Variants in NSMCE2 observed in about 807,000 individuals in gnomAD.
NSMCE2 encodes E3 SUMO-protein ligase NSE2.
NSMCE2 carries 24 observed loss-of-function variants against 23.8 expected under a neutral mutation model. That is an observed-to-expected ratio of 1.01 (90% CI 0.73 to 1.42). NSMCE2 has a LOEUF of 1.42. Among genes scored for constraint, NSMCE2 ranks in the 40% most tolerant of loss-of-function variants. NSMCE2 has a pLI of 0.00. For synonymous variants in NSMCE2, 92 were observed against 94.1 expected (o/e 0.98, Z 0.13); for missense variants, 284 against 296.5 (o/e 0.96, Z 0.31).
intron 5 of NSMCE2, among the ~76,000 whole-genome samples, chr8:125,324,138 C>T (rs1829553524): frequency 6.6e-6 from 1 of 152,102 alleles, no homozygotes; most frequent in South Asian, 2.1e-4. Context: ...CCACTACACA[C>T]CTATTAGGAT....
chr8:125,094,318 T>A (rs1447817006), intron 1 of NSMCE2: 4 of 152,206 alleles, frequency 2.6e-5, no homozygotes. Context: ...GAAGGTGCTG[T>A]TAGAGTCAGA....
intron 3 of NSMCE2, among the ~76,000 whole-genome samples, chr8:125,145,554 A>C (rs1442919060): frequency 1.3e-5 from 2 of 152,178 alleles, no homozygotes; most frequent in Non-Finnish European, 2.9e-5. Flanking sequence ...GGTTCATTTG[A>C]TTAACGAAAG....
intron 5 of NSMCE2, among the ~76,000 whole-genome samples, chr8:125,271,128 G>A (rs762309785): frequency 6.6e-5 from 10 of 152,016 alleles, no homozygotes; most frequent in Non-Finnish European, 1.3e-4. Flanking sequence ...AGGCATGGTG[G>A]TGCGCACCTA....
chr8:125,214,784 A>G (rs981089342), intron 5 of NSMCE2, among the ~76,000 whole-genome samples: 3 of 152,118 alleles, frequency 2.0e-5, no homozygotes, highest in Non-Finnish European at 2.9e-5. Context: ...CATTAGGTTT[A>G]TGCTGTGTAT....
chr8:125,343,997 C>G (rs1429165890), intron 5 of NSMCE2, among the ~76,000 whole-genome samples: 1 of 152,112 alleles, frequency 6.6e-6, no homozygotes, highest in Non-Finnish European at 1.5e-5. Flanking sequence ...CAGAGGGAGA[C>G]TCCATCTCAA....
chr8:125,146,542 T>TACACCATGGAATACTATGCAGCC (rs1192341143), intron 3 of NSMCE2, among the ~76,000 whole-genome samples: 1 of 152,236 alleles, frequency 6.6e-6, no homozygotes, highest in East Asian at 1.9e-4. Context: ...GTGGCACATA[T>TACACCATGGAATACTATGCAGCC]ACACCATGGA....
At chr8:125,286,630 G>A (rs1015581521) in intron 5 of NSMCE2, among the ~76,000 whole-genome samples, 59 of 152,128 alleles carry the variant, frequency 3.9e-4, no homozygotes, top group African/African-American at 1.3e-3. Flanking sequence ...CATCTTTTAT[G>A]TGCCATCATA....
chr8:125,124,773 C>G (rs1487697666), intron 3 of NSMCE2, among the ~76,000 whole-genome samples: 1 of 152,014 alleles, frequency 6.6e-6, no homozygotes, highest in Non-Finnish European at 1.5e-5. Context: ...CCACTGCACC[C>G]AGCCTCCTCA....
chr8:125,231,866 A>G (rs922450169), intron 5 of NSMCE2, among the ~76,000 whole-genome samples: 9 of 152,172 alleles, frequency 5.9e-5, no homozygotes, highest in Non-Finnish European at 2.9e-5. Flanking sequence ...CATTTTCTTT[A>G]TCTCTTTCTT....
intron 5 of NSMCE2, among the ~76,000 whole-genome samples, chr8:125,237,718 T>A (rs1392816185): frequency 6.6e-6 from 1 of 152,206 alleles, no homozygotes; most frequent in Non-Finnish European, 1.5e-5. Flanking sequence ...CATTCCTGAG[T>A]CCAGTCAGTG....
intron 5 of NSMCE2, among the ~76,000 whole-genome samples, chr8:125,216,548 TGC>T (rs778115391): frequency 4.6e-5 from 7 of 151,632 alleles, no homozygotes; most frequent in Non-Finnish European, 7.4e-5. Flanking sequence ...GCAGGAGAAT[TGC>T]TTGAACCTGG....
intron 5 of NSMCE2, among the ~76,000 whole-genome samples, chr8:125,334,664 A>G (rs1419272258): frequency 1.3e-5 from 2 of 151,842 alleles, no homozygotes; most frequent in Non-Finnish European, 2.9e-5. Flanking sequence ...AGTTAGTTTC[A>G]AGGATGTCTT....
At chr8:125,328,503 T>C (rs1829759513) in intron 5 of NSMCE2, among the ~76,000 whole-genome samples, 1 of 152,232 alleles carries the variant, frequency 6.6e-6, no homozygotes, top group Admixed American at 6.5e-5. Context: ...ACGTTTTCAC[T>C]GGAGTAGATC....
At chr8:125,255,924 G>A (rs1826385771) in intron 5 of NSMCE2, among the ~76,000 whole-genome samples, 1 of 152,112 alleles carries the variant, frequency 6.6e-6, no homozygotes, top group East Asian at 1.9e-4. Flanking sequence ...GCGAGGGTGA[G>A]GATGGGGAAG....
At chr8:125,242,349 G>C (rs541401742) in intron 5 of NSMCE2, among the ~76,000 whole-genome samples, 1 of 152,074 alleles carries the variant, frequency 6.6e-6, no homozygotes, top group South Asian at 2.1e-4. Context: ...AGGGCATATT[G>C]GATGGGCTCC....
intron 5 of NSMCE2, among the ~76,000 whole-genome samples, chr8:125,200,727 T>C (rs1823833611): frequency 6.6e-6 from 1 of 152,216 alleles, no homozygotes; most frequent in African/African-American, 2.4e-5. Context: ...CCTGCCTAGC[T>C]ACGTTGGGGA....
intron 3 of NSMCE2, among the ~76,000 whole-genome samples, chr8:125,111,155 C>T (rs1003898190): frequency 1.2e-4 from 19 of 152,224 alleles, no homozygotes; most frequent in African/African-American, 3.6e-4. Flanking sequence ...TTAATCCCCA[C>T]GCAGCCAAAA....
In NSMCE2 at chr8:125,102,388, G is replaced by A. The variant is rs755354329; in HGVS notation, c.58G>A (p.Val20Ile). The A allele has an allele frequency of 1.9e-6, 3 of 1,613,510 alleles. No homozygotes were observed. Among genetic ancestry groups the A allele is most frequent in the Admixed American group, 1.7e-5 (1 of 60,020 alleles). The change falls in exon 3 of 8, where the codon GTA (valine) becomes ATA (isoleucine). Residue 20 changes from valine to isoleucine, a missense_variant. By Grantham distance (29) the Val-to-Ile change is conservative (BLOSUM62 3). This residue lies in a region of NSMCE2 where 182 missense variants were observed against 155.5 expected (regional missense o/e 1.17). Coordinates refer to ENST00000287437, the MANE Select transcript of NSMCE2 (RefSeq NM_173685.4). ...AACTGGTTTCATCTCCTTCAGTGGT[G>A]TAGAGTCTGCTCTCTCCTCCTTGAA... ...GSTGFISFSG[V>I]ESALSSLKNF... is the part of the protein sequence containing the mutation.
intron 5 of NSMCE2, among the ~76,000 whole-genome samples, chr8:125,185,401 G>T (rs1823045509): frequency 6.6e-6 from 1 of 151,980 alleles, no homozygotes; most frequent in Non-Finnish European, 1.5e-5. Flanking sequence ...CTGCCTCCCA[G>T]GTTCAAGTGA....
Sources: gnomAD v4.1 joint callset for allele counts (sites outside exome capture counted in the v4.1 genomes callset) on GRCh38, gnomAD v4.1.1 for gene constraint, gnomAD v4.1.1 regional missense constraint, MANE v1.5 for transcripts, NCBI Gene and HGNC (gene_info 2026-07-23, HGNC 2026-07-21) for gene names.